LTBP1: variants seen among roughly 807,000 people sequenced by gnomAD.
LTBP1 encodes latent transforming growth factor beta binding protein 1.
In LTBP1, 129 loss-of-function variants were observed where a neutral mutation model predicts 207.6. That is an observed-to-expected ratio of 0.62 (90% CI 0.54 to 0.72). The LOEUF is 0.72. Ranked by LOEUF, LTBP1 falls within the 30% of genes least tolerant of loss-of-function variation. The pLI is 0.00. For missense variants in LTBP1, 2,281 were observed against 2,217.2 expected, an observed-to-expected ratio of 1.03 and a Z score of -0.58; for synonymous variants, 963 against 833.7, an observed-to-expected ratio of 1.16 and a Z score of -2.67.
At position 32,947,462 on chromosome 2, in the gene LTBP1, C is replaced by T. The variant is rs1004008310; in HGVS notation, c.138C>T (p.Ser46=). The T allele has an allele frequency of 3.5e-6, 5 of 1,442,586 alleles. No individual in the cohort carries two copies. Among genetic ancestry groups the T allele is most frequent in the Non-Finnish European group, 4.5e-6 (5 of 1,100,788 alleles). 89.4% of individuals were successfully genotyped at this position (1,442,586 alleles called of 1,614,324 possible). A position where few individuals can be genotyped will look rare whatever the true frequency, so the allele number is the denominator to read the frequency against. The stretch of plus-strand genomic sequence containing the variant: ...TGGCAGCCGGCGCCTTGCCCCTGAG[C>T]GGGCCCCCGCGTTCGCGGACATTCA... ...PGLAAGALPL[S]GPPRSRTFNV... Residue 46 remains serine, a synonymous_variant, in exon 1 of 34, where the codon AGC becomes AGT. Transcript: ENST00000404816.
chr2:33,139,663 GA>G (rs2082479702), intron 5 of LTBP1, among the ~76,000 whole-genome samples: 1 of 152,218 alleles, frequency 6.6e-6, no homozygotes, highest in African/African-American at 2.4e-5. Flanking sequence ...ACTGAAGGGA[GA>G]CGTGGAACTT....
intron 24 of LTBP1, among the ~76,000 whole-genome samples, chr2:33,335,622 G>A (rs893757360): frequency 2.6e-5 from 4 of 152,058 alleles, no homozygotes; most frequent in Admixed American, 2.0e-4. Flanking sequence ...CTCATCTTCC[G>A]CTTAATGCTG....
chr2:33,393,089 G>C (rs2095328912), intron 32 of LTBP1, among the ~76,000 whole-genome samples: 1 of 151,784 alleles, frequency 6.6e-6, no homozygotes, highest in Admixed American at 6.6e-5. Context: ...TACATATAAA[G>C]GTTTGTTACA....
At chr2:33,286,061 C>T (rs762432808) in intron 19 of LTBP1, among the ~76,000 whole-genome samples, 3 of 152,182 alleles carry the variant, frequency 2.0e-5, no homozygotes, top group Non-Finnish European at 4.4e-5. Context: ...GCAGAATATG[C>T]CACCTATTGG....
chr2:33,353,386 C>T (rs2094809338), intron 26 of LTBP1, among the ~76,000 whole-genome samples: 2 of 152,196 alleles, frequency 1.3e-5, no homozygotes, highest in Non-Finnish European at 2.9e-5. Flanking sequence ...TTACAGGATT[C>T]TGCCTCTCTG....
chr2:32,993,680 C>T (rs1236092231), intron 2 of LTBP1, among the ~76,000 whole-genome samples: 7 of 152,218 alleles, frequency 4.6e-5, no homozygotes, highest in East Asian at 1.9e-4. Flanking sequence ...AACAGGACTC[C>T]GTCTTTGGTG....
Position 33,092,266 on chromosome 2 carries a change from G to A in LTBP1, c.864-18316G>A, listed in dbSNP as rs114891994. ...CAGAGACCCTGCTCACTCAGATCCCGTCCCTTTACTAGTTATCCATATGTA... is the reference window on the plus strand; with the variant it reads ...CAGAGACCCTGCTCACTCAGATCCCATCCCTTTACTAGTTATCCATATGTA... On this transcript the variant is annotated intron_variant, in intron 3 of 33. Coordinates refer to ENST00000404816, the MANE Select transcript of LTBP1 (RefSeq NM_206943.4). 1.1e-3 allele frequency among the ~76,000 whole-genome samples: 162 copies of A among 152,188 alleles called. 1 individual carries two copies. Among genetic ancestry groups the A allele is most frequent in the Admixed American group, 2.9e-3 (44 of 15,300 alleles).
At chr2:33,253,564 G>A (rs780071238) in intron 11 of LTBP1, among the ~76,000 whole-genome samples, 25 of 152,240 alleles carry the variant, frequency 1.6e-4, no homozygotes, top group Non-Finnish European at 3.4e-4. Flanking sequence ...AACAAGGAAT[G>A]GCTTCAATGT....
intron 3 of LTBP1, among the ~76,000 whole-genome samples, chr2:33,041,118 C>T (rs2076160491): frequency 6.6e-6 from 1 of 152,148 alleles, no homozygotes; most frequent in Admixed American, 6.5e-5. Context: ...CCTGTGTGAC[C>T]TCAAAGAATG....
At chr2:33,000,536 G>A (rs567290688) in intron 2 of LTBP1, among the ~76,000 whole-genome samples, 1 of 135,220 alleles carries the variant, frequency 7.4e-6, no homozygotes, top group South Asian at 2.6e-4. Flanking sequence ...GCAAGTGGTC[G>A]CAGGTTTCCT....
At chr2:33,278,716 A>G (rs538830217) in intron 18 of LTBP1, among the ~76,000 whole-genome samples, 2 of 152,172 alleles carry the variant, frequency 1.3e-5, no homozygotes, top group Admixed American at 6.5e-5. Context: ...TTGTAGTTCT[A>G]TTTTTTTGAA....
intron 3 of LTBP1, among the ~76,000 whole-genome samples, chr2:33,107,433 A>G (rs2150217478): frequency 6.6e-6 from 1 of 152,106 alleles, no homozygotes; most frequent in African/African-American, 2.4e-5. Flanking sequence ...GATATGAAAC[A>G]TATTTATTAA....
intron 3 of LTBP1, among the ~76,000 whole-genome samples, chr2:33,038,584 T>A (rs910100744): frequency 2.6e-5 from 4 of 152,238 alleles, no homozygotes; most frequent in Non-Finnish European, 4.4e-5. Flanking sequence ...TCCAGCAATC[T>A]TAGTTGTTTT....
In LTBP1 at chr2:33,397,289, A is replaced by G; in HGVS notation, c.4984+7A>G. 6.2e-7 allele frequency: 1 copy of G among 1,613,962 alleles called. No individual in the cohort carries two copies. The highest frequency in any genetic ancestry group is 8.5e-7 in the Non-Finnish European group (1 of 1,179,860). On this transcript the variant is annotated splice_region_variant and intron_variant, in intron 33 of 33. Coordinates refer to ENST00000404816, the MANE Select transcript of LTBP1 (RefSeq NM_206943.4). ...GCCAAGATGACCTGTGTCGGTAAGA[A>G]TGACGTGTGTTTTATGGGACATTAA...
chr2:33,179,188 T>C (rs909770817), intron 5 of LTBP1, among the ~76,000 whole-genome samples: 5 of 150,500 alleles, frequency 3.3e-5, no homozygotes, highest in Non-Finnish European at 7.4e-5. Context: ...AAACATGAGA[T>C]CTTTCTGTGA....
chr2:33,384,162 C>T (rs1373768746), intron 31 of LTBP1, among the ~76,000 whole-genome samples: 1 of 152,162 alleles, frequency 6.6e-6, no homozygotes, highest in Non-Finnish European at 1.5e-5. Context: ...ACAGCAGGGG[C>T]CCCACACCCA....
chr2:33,240,883 T>C (rs985921453), intron 9 of LTBP1, among the ~76,000 whole-genome samples: 30 of 151,936 alleles, frequency 2.0e-4, no homozygotes, highest in Non-Finnish European at 4.3e-4. Context: ...ATCTCCTGAC[T>C]TCGTGATCTG....
intron 32 of LTBP1, among the ~76,000 whole-genome samples, chr2:33,393,758 G>A (rs1298640294): frequency 6.6e-6 from 1 of 152,196 alleles, no homozygotes; most frequent in Non-Finnish European, 1.5e-5. Flanking sequence ...GCATACATGT[G>A]CATGTGTCTT....
chr2:33,166,558 C>CT (rs1040541088), intron 5 of LTBP1, among the ~76,000 whole-genome samples: 3 of 152,114 alleles, frequency 2.0e-5, no homozygotes, highest in Non-Finnish European at 4.4e-5. Flanking sequence ...AAGGATGTTT[C>CT]AAATGTCAAC....
Sources: gnomAD v4.1 joint callset for allele counts (sites outside exome capture counted in the v4.1 genomes callset) on GRCh38, gnomAD v4.1.1 for gene constraint, MANE v1.5 for transcripts, NCBI Gene and HGNC (gene_info 2026-07-23, HGNC 2026-07-21) for gene names.